Variants in UGT1A8 observed in about 807,000 individuals in gnomAD.
UGT1A8 encodes the protein UDP glucuronosyltransferase family 1 member A8, also known as UDP-glucuronosyltransferase 1A8.
In UGT1A8, 39 loss-of-function variants were observed where a neutral mutation model predicts 45.3. That is an observed-to-expected ratio of 0.86 (90% CI 0.67 to 1.12). The LOEUF (loss-of-function observed/expected upper bound fraction) is 1.12. UGT1A8 is among the 50% of genes most tolerant of loss of function. The pLI is 0.00. For missense variants in UGT1A8, 719 were observed against 664.9 expected, an observed-to-expected ratio of 1.08 and a Z score of -0.90; for synonymous variants, 275 against 249.2, an observed-to-expected ratio of 1.10 and a Z score of -0.97.
intron 1 of UGT1A8, chr2:233,672,269 C>T (rs576749742): frequency 3.1e-6 from 5 of 1,613,874 alleles, no homozygotes; most frequent in South Asian, 1.1e-5. Context: ...TTAATGGGTT[C>T]ATACAATGAC....
At chr2:233,762,775 C>T (rs1417742267) in intron 1 of UGT1A8, among the ~76,000 whole-genome samples, 1 of 151,182 alleles carries the variant, frequency 6.6e-6, no homozygotes, top group African/African-American at 2.4e-5. Context: ...CTATCTCTAG[C>T]TGATTATCTA....
chr2:233,640,995 C>G (rs1283881605), intron 1 of UGT1A8, among the ~76,000 whole-genome samples: 1 of 152,122 alleles, frequency 6.6e-6, no homozygotes, highest in Non-Finnish European at 1.5e-5. Context: ...ATAACATAAT[C>G]TTCCTGCACC....
chr2:233,682,647 C>T, intron 1 of UGT1A8: 1 of 1,613,922 alleles, frequency 6.2e-7, no homozygotes, highest in Non-Finnish European at 8.5e-7. Flanking sequence ...ATTCTCCAAA[C>T]CCCTGTCACG....
In UGT1A8 at chr2:233,767,887, T is replaced by TG; in HGVS notation, c.1027dup (p.Ala343GlyfsTer8). ...ACACTGGAACCCGACCATCGAATCTTGCGAACAACACGATACTTGTTAAGT... is the reference window on the plus strand; with the variant it reads ...ACACTGGAACCCGACCATCGAATCTTGGCGAACAACACGATACTTGTTAAGT... On this transcript the variant is annotated frameshift_variant, in exon 3 of 5. Transcript: ENST00000373450. LOFTEE classifies it high-confidence loss of function. 2 of 1,614,208 alleles carry TG rather than the reference T, an allele frequency of 1.2e-6. No individual in the cohort carries two copies. Among genetic ancestry groups the TG allele is most frequent in the Non-Finnish European group, 8.5e-7 (1 of 1,180,046 alleles).
chr2:233,772,072 C>T (rs1304190129), intron 4 of UGT1A8, among the ~76,000 whole-genome samples, 190 bp from the exon 5 acceptor site: 2 of 152,100 alleles, frequency 1.3e-5, no homozygotes, highest in Non-Finnish European at 2.9e-5. Flanking sequence ...ATGCTTGTGC[C>T]ACTACACTCC....
intron 1 of UGT1A8, among the ~76,000 whole-genome samples, chr2:233,657,125 C>T (rs1293837131): frequency 6.6e-6 from 1 of 152,186 alleles, no homozygotes; most frequent in Non-Finnish European, 1.5e-5. Flanking sequence ...TTGGCCCACT[C>T]AAGACATTCT....
chr2:233,735,048 A>G lies in UGT1A8; in HGVS notation c.856-31986A>G, dbSNP rs536875851. On this transcript the variant is annotated intron_variant, in intron 1 of 4. Coordinates refer to ENST00000373450, the MANE Select transcript of UGT1A8 (RefSeq NM_019076.5). ...ATTAGGTCTGCTTGGTGCAGAGCTG[A>G]GTTCAGGTCCTGGATATCCTTGTTA... Among the ~76,000 whole-genome samples the G allele has an allele frequency of 3.9e-5, 6 of 152,322 alleles. No individual in the cohort carries two copies. The South Asian group carries it at 1.2e-3, about 32-fold the overall frequency.
chr2:233,709,425 C>G (rs1055346708), intron 1 of UGT1A8, among the ~76,000 whole-genome samples: 2 of 152,122 alleles, frequency 1.3e-5, no homozygotes, highest in Admixed American at 6.5e-5. Flanking sequence ...AGAATGTCCT[C>G]CAGAAAGGAT....
intron 1 of UGT1A8, among the ~76,000 whole-genome samples, chr2:233,629,882 A>C (rs1174988147): frequency 6.6e-6 from 1 of 152,112 alleles, no homozygotes; most frequent in Non-Finnish European, 1.5e-5. Flanking sequence ...AAATGTGTCC[A>C]TTCTATCTAA....
intron 1 of UGT1A8, among the ~76,000 whole-genome samples, chr2:233,628,938 AT>A (rs1382078018): frequency 7.2e-5 from 11 of 152,066 alleles, no homozygotes; most frequent in Admixed American, 4.6e-4. Flanking sequence ...AAAATTATTT[AT>A]TTAATCATTA....
intron 1 of UGT1A8, among the ~76,000 whole-genome samples, chr2:233,707,521 G>A (rs1189449624): frequency 1.5e-5 from 2 of 134,020 alleles, no homozygotes; most frequent in Non-Finnish European, 3.2e-5. Flanking sequence ...GAATTTTACT[G>A]TTTTTCTTTG....
chr2:233,770,944 A>T (rs905927558), intron 4 of UGT1A8: 3 of 152,138 alleles, frequency 2.0e-5, no homozygotes, highest in Non-Finnish European at 4.4e-5. Context: ...TGCCGGGGGA[A>T]CCTCAGGGAG....
At position 233,618,301 on chromosome 2, in the gene UGT1A8, A is replaced by G. The variant is rs770671433; in HGVS notation, c.594A>G (p.Ser198=). Residue 198 remains serine (S), a synonymous_variant, in exon 1 of 5, where the codon TCA becomes TCG. Transcript: ENST00000373450. ...SYVPRILLGF[S]DAMTFKERVR... ...TCCCCAGAATTCTCTTAGGGTTCTCAGATGCCATGACTTTCAAGGAGAGAG... is the reference window on the plus strand; with the variant it reads ...TCCCCAGAATTCTCTTAGGGTTCTCGGATGCCATGACTTTCAAGGAGAGAG... The G allele has an allele frequency of 2.5e-6, 4 of 1,613,920 alleles. No individual in the cohort carries two copies. Among genetic ancestry groups the G allele is most frequent in the Non-Finnish European group, 3.4e-6 (4 of 1,179,840 alleles).
At chr2:233,673,188 T>C (rs2741049) in intron 1 of UGT1A8, among the ~76,000 whole-genome samples, 93,563 of 151,962 alleles carry the variant, frequency 0.62, 29,066 homozygotes, top group South Asian at 0.65. Context: ...ATATCTAATG[T>C]AAATTCTCAC....
chr2:233,766,838 C>T (rs906628829), intron 1 of UGT1A8, among the ~76,000 whole-genome samples, 196 bp from the exon 2 acceptor site: 1 of 152,156 alleles, frequency 6.6e-6, no homozygotes, highest in Non-Finnish European at 1.5e-5. Flanking sequence ...TAAGCAGGAA[C>T]CCTTCCTCCT....
In UGT1A8 at chr2:233,730,352, T is replaced by A. The variant is rs190569786; in HGVS notation, c.856-36682T>A. On this transcript the variant is annotated intron_variant, in intron 1 of 4. Coordinates refer to ENST00000373450, the MANE Select transcript of UGT1A8 (RefSeq NM_019076.5). ...ACGTTTGGAACTGATCCATCCTGGA[T>A]TTTTTGCTAGCATGATTTTCAGGGG... 3.3e-5 allele frequency among the ~76,000 whole-genome samples: 5 copies of A among 152,298 alleles called. No homozygotes were observed. The East Asian group carries it at 9.6e-4, about 29-fold the overall frequency.
At chr2:233,735,560 T>C (rs1442054621) in intron 1 of UGT1A8, among the ~76,000 whole-genome samples, 1 of 152,236 alleles carries the variant, frequency 6.6e-6, no homozygotes, top group African/African-American at 2.4e-5. Flanking sequence ...ATTATGGTGT[T>C]ATCGGGTTAT....
intron 1 of UGT1A8, among the ~76,000 whole-genome samples, chr2:233,737,276 AC>A (rs2078858274): frequency 1.3e-5 from 2 of 152,320 alleles, no homozygotes; most frequent in South Asian, 2.1e-4. Flanking sequence ...GACACCCCTC[AC>A]CCAGCCAGGC....
At chr2:233,644,851 G>T (rs1387791141) in intron 1 of UGT1A8, among the ~76,000 whole-genome samples, 1 of 152,128 alleles carries the variant, frequency 6.6e-6, no homozygotes, top group African/African-American at 2.4e-5. Flanking sequence ...CTGAGTTTTG[G>T]TTCTTATGAA....
Sources: gnomAD v4.1 joint callset for allele counts (sites outside exome capture counted in the v4.1 genomes callset) on GRCh38, gnomAD v4.1.1 for gene constraint, MANE v1.5 for transcripts, NCBI Gene and HGNC (gene_info 2026-07-23, HGNC 2026-07-21) for gene names.